DENND4C: variants seen among roughly 807,000 people sequenced by gnomAD.
DENND4C encodes the protein DENN domain containing 4C.
In DENND4C, 108 loss-of-function variants were observed where a neutral mutation model predicts 203.0. The ratio of observed to expected loss-of-function variants is 0.53; its 90% CI spans 0.46 to 0.62. The LOEUF is 0.62. Ranked by LOEUF, DENND4C falls within the 20% of genes least tolerant of loss-of-function variation. The pLI is 0.00. For missense variants in DENND4C, 2,481 were observed against 2,301.2 expected, an observed-to-expected ratio of 1.08 and a Z score of -1.60; for synonymous variants, 871 against 792.4, an observed-to-expected ratio of 1.10 and a Z score of -1.67.
intron 30 of DENND4C, among the ~76,000 whole-genome samples, chr9:19,368,160 T>G (rs1828062975): frequency 6.6e-6 from 1 of 152,120 alleles, no homozygotes; most frequent in South Asian, 2.1e-4. Context: ...GTGTGAAGAT[T>G]AACACTATTC....
At chr9:19,262,554 C>G (rs1208729863) in intron 1 of DENND4C, among the ~76,000 whole-genome samples, 1 of 151,882 alleles carries the variant, frequency 6.6e-6, no homozygotes, top group African/African-American at 2.4e-5. Context: ...GCTTCAGCCT[C>G]CCAAGTAGCT....
chr9:19,354,826 G>A (rs1163357121), intron 26 of DENND4C, among the ~76,000 whole-genome samples: 5 of 151,606 alleles, frequency 3.3e-5, no homozygotes, highest in Middle Eastern at 3.4e-3. Context: ...GATTACAGGC[G>A]TGAGCCACTG....
At chr9:19,354,548 CCTT>C (rs1236236903) in intron 26 of DENND4C, among the ~76,000 whole-genome samples, 2 of 120,148 alleles carry the variant, frequency 1.7e-5, no homozygotes, top group Non-Finnish European at 3.3e-5. Flanking sequence ...GTTATTCTAG[CCTT>C]TTTTTTTTTT....
chr9:19,316,042 G>T (rs1260691147), intron 10 of DENND4C, among the ~76,000 whole-genome samples: 1 of 152,152 alleles, frequency 6.6e-6, no homozygotes, highest in East Asian at 1.9e-4. Context: ...TTAAATTCCA[G>T]TTCTTGTCTT....
At chr9:19,286,336 C>T (rs916736983) in intron 2 of DENND4C, among the ~76,000 whole-genome samples, 3 of 151,958 alleles carry the variant, frequency 2.0e-5, no homozygotes, top group Non-Finnish European at 2.9e-5. Context: ...CTTTAAATAA[C>T]GTTTTATAGT....
chr9:19,260,073 C>A (rs1283250099), intron 1 of DENND4C, among the ~76,000 whole-genome samples: 1 of 152,098 alleles, frequency 6.6e-6, no homozygotes, highest in Non-Finnish European at 1.5e-5. Context: ...AGTTTGTGTT[C>A]CCACTAACAG....
intron 1 of DENND4C, among the ~76,000 whole-genome samples, chr9:19,261,827 T>A (rs1829430869): frequency 6.6e-6 from 1 of 151,962 alleles, no homozygotes; most frequent in Non-Finnish European, 1.5e-5. Flanking sequence ...TGTGTGTGTG[T>A]TCTCTTTAAT....
rs931399443 is a variant in DENND4C at position 19,346,366 on chromosome 9, T to G, written c.3597T>G (p.Thr1199=). The change falls in exon 23 of 33, where the codon ACT becomes ACG. Residue 1199 remains threonine (T), a synonymous_variant. Transcript: ENST00000434457. The part of the protein sequence containing the change: ...EPVVDDVPKT[T]ATVDTYESLL... ...TGGTTGATGACGTACCTAAAACTACTGCAACAGTAGATACATATGAGAGTC... is the reference window on the plus strand; with the variant it reads ...TGGTTGATGACGTACCTAAAACTACGGCAACAGTAGATACATATGAGAGTC... 4 of 1,614,144 alleles carry G rather than the reference T, an allele frequency of 2.5e-6. No homozygotes were observed. In the Admixed American group the frequency reaches 5.0e-5, roughly 20 times the overall value.
chr9:19,329,347 A>G (rs1290975754), intron 16 of DENND4C, among the ~76,000 whole-genome samples: 1 of 152,216 alleles, frequency 6.6e-6, no homozygotes, highest in Non-Finnish European at 1.5e-5. Context: ...TCTTTCATTT[A>G]GTGTAACATT....
At chr9:19,276,941 G>C (rs568939530) in intron 2 of DENND4C, among the ~76,000 whole-genome samples, 2 of 151,748 alleles carry the variant, frequency 1.3e-5, no homozygotes, top group Non-Finnish European at 2.9e-5. Context: ...GCTGGGAGGA[G>C]GGTGTTTACA....
chr9:19,305,141 TG>T (rs1839414243), intron 9 of DENND4C, among the ~76,000 whole-genome samples: 1 of 152,198 alleles, frequency 6.6e-6, no homozygotes, highest in Non-Finnish European at 1.5e-5. Flanking sequence ...ATTGTGCTTA[TG>T]ATCATCGTCA....
At chr9:19,311,674 CATT>C (rs1588894499) in intron 10 of DENND4C, among the ~76,000 whole-genome samples, 1 of 152,006 alleles carries the variant, frequency 6.6e-6, no homozygotes, top group South Asian at 2.1e-4. Context: ...GCACCTCACT[CATT>C]ATAGGAGAAA....
At position 19,352,472 on chromosome 9, in the gene DENND4C, G is replaced by A; in HGVS notation, c.4606-18G>A. 1 of 1,546,408 alleles carries A rather than the reference G, an allele frequency of 6.5e-7. No homozygotes were observed. On this transcript the variant is annotated intron_variant, in intron 25 of 32. Coordinates refer to ENST00000434457, the MANE Select transcript of DENND4C (RefSeq NM_001330640.2). ...TTTTTATTAAACGTTCTCAGTGTCT[G>A]CATTTTTCTGTTTTTAGGTTTTGAT... is the stretch of plus-strand genomic sequence containing the variant.
chr9:19,239,666 T>C (rs1331432275), intron 1 of DENND4C, among the ~76,000 whole-genome samples: 2 of 152,176 alleles, frequency 1.3e-5, no homozygotes, highest in Non-Finnish European at 2.9e-5. Flanking sequence ...TTTGTGTTTT[T>C]AGTAGAGATG....
intron 31 of DENND4C, among the ~76,000 whole-genome samples, chr9:19,370,576 A>G (rs1184222483): frequency 6.6e-6 from 1 of 152,254 alleles, no homozygotes; most frequent in African/African-American, 2.4e-5. Context: ...ATTTATTAAC[A>G]TTGATAAACT....
In DENND4C at chr9:19,270,842, T is replaced by C. The variant is rs932369021; in HGVS notation, c.-17-5316T>C. Among the ~76,000 whole-genome samples the C allele has an allele frequency of 1.4e-4, 22 of 152,340 alleles. 2 individuals are homozygous for C. Among genetic ancestry groups the C allele is most frequent in the Admixed American group, 4.6e-4 (7 of 15,286 alleles). On this transcript the variant is annotated intron_variant, in intron 1 of 32. Coordinates refer to ENST00000434457, the MANE Select transcript of DENND4C (RefSeq NM_001330640.2). ...ACATTATGTGGAAAGTCTGATAGAATCTACAAAATTGCTCTAAACTAATAA... is the reference window on the plus strand; with the variant it reads ...ACATTATGTGGAAAGTCTGATAGAACCTACAAAATTGCTCTAAACTAATAA...
chr9:19,275,080 C>T (rs1193736637), intron 1 of DENND4C, among the ~76,000 whole-genome samples: 6 of 151,762 alleles, frequency 4.0e-5, no homozygotes, highest in Admixed American at 1.3e-4. Context: ...CAGGTTCAAG[C>T]GATTCTCCTG....
rs190838575 is a variant in DENND4C, at chr9:19,363,479, G to C, written c.5524+1516G>C. 4.4e-3 allele frequency among the ~76,000 whole-genome samples: 667 copies of C among 151,864 alleles called. 3 individuals carry two copies. The highest frequency in any genetic ancestry group is 0.015 in the African/African-American group (635 of 41,416). ...GTGAGCCAAGATCACTCCAGCCTGG[G>C]CGACAGAGTGAGACTCCATCTCAAA... On this transcript the variant is annotated intron_variant, in intron 30 of 32. Coordinates refer to ENST00000434457, the MANE Select transcript of DENND4C (RefSeq NM_001330640.2).
chr9:19,317,228 C>T (rs1236491940), intron 12 of DENND4C, among the ~76,000 whole-genome samples: 1 of 147,420 alleles, frequency 6.8e-6, no homozygotes, highest in African/African-American at 2.5e-5. Context: ...GCTGTGTTGG[C>T]CAGGCTGGAC....
Sources: gnomAD v4.1 joint callset for allele counts (sites outside exome capture counted in the v4.1 genomes callset) on GRCh38, gnomAD v4.1.1 for gene constraint, MANE v1.5 for transcripts, NCBI Gene and HGNC (gene_info 2026-07-23, HGNC 2026-07-21) for gene names.